CCDC171: variants seen among roughly 807,000 people sequenced by gnomAD.
CCDC171 encodes the protein coiled-coil domain containing 171.
A neutral mutation model predicts 168.2 loss-of-function variants in CCDC171; 177 were observed. The ratio of observed to expected loss-of-function variants is 1.05; its 90% CI spans 0.93 to 1.19. The LOEUF (loss-of-function observed/expected upper bound fraction) is 1.19. Ranked by LOEUF, CCDC171 falls within the 50% of genes most tolerant of loss-of-function variation. The pLI, the probability that CCDC171 is intolerant of heterozygous loss-of-function variation, is 0.00. For synonymous variants in CCDC171, 687 were observed against 540.8 expected, an observed-to-expected ratio of 1.27 and a Z score of -3.75; for missense variants, 1,991 against 1,539.0, an observed-to-expected ratio of 1.29 and a Z score of -4.91.
chr9:15,725,436 C>T (rs1362360429), intron 14 of CCDC171, among the ~76,000 whole-genome samples: 1 of 152,030 alleles, frequency 6.6e-6, no homozygotes, highest in African/African-American at 2.4e-5. Flanking sequence ...CTCTCCACAT[C>T]TTCGTTTCCT....
At chr9:15,615,127 ATAT>A (rs2043987778) in intron 6 of CCDC171, among the ~76,000 whole-genome samples, 1 of 152,178 alleles carries the variant, frequency 6.6e-6, no homozygotes, top group Admixed American at 6.5e-5. Context: ...ATTATACAAA[ATAT>A]TAGCTAACCA....
At chr9:15,805,504 A>G (rs1269468328) in intron 21 of CCDC171, among the ~76,000 whole-genome samples, 1 of 152,138 alleles carries the variant, frequency 6.6e-6, no homozygotes, top group Non-Finnish European at 1.5e-5. Context: ...TTATTTACCC[A>G]AAAATCATTC....
chr9:15,883,124 G>T, intron 24 of CCDC171: 1 of 398,244 alleles, frequency 2.5e-6, no homozygotes, highest in Non-Finnish European at 5.0e-6. Flanking sequence ...AAATGCCAGG[G>T]CTCAAGCAAT....
intron 7 of CCDC171, 25 bp downstream of exon 7, chr9:15,623,438 T>G (rs1423032172): frequency 6.7e-7 from 1 of 1,491,888 alleles, no homozygotes; most frequent in Non-Finnish European, 9.0e-7. Context: ...TCCTTTATAA[T>G]ATATATGCGT....
intron 24 of CCDC171, among the ~76,000 whole-genome samples, chr9:15,907,788 C>A (rs1589081602): frequency 6.6e-6 from 1 of 152,162 alleles, no homozygotes; most frequent in South Asian, 2.1e-4. Context: ...CCAGAATCTA[C>A]CATGAACTCC....
At chr9:15,959,168 A>C (rs1830110857) in intron 25 of CCDC171, among the ~76,000 whole-genome samples, 1 of 152,116 alleles carries the variant, frequency 6.6e-6, no homozygotes, top group Non-Finnish European at 1.5e-5. Context: ...GAGGCTGCTG[A>C]ATAGCTTTGT....
intron 25 of CCDC171, among the ~76,000 whole-genome samples, chr9:15,954,334 C>T (rs1205314310): frequency 6.6e-6 from 1 of 152,010 alleles, no homozygotes; most frequent in Non-Finnish European, 1.5e-5. Context: ...TCCCCCTTAG[C>T]ACTGCTTCCA....
At chr9:16,007,018 C>T (rs1167772247) in intron 3 of CCDC171, among the ~76,000 whole-genome samples, 2 of 152,204 alleles carry the variant, frequency 1.3e-5, no homozygotes, top group Non-Finnish European at 2.9e-5. Context: ...CTGACTTCCA[C>T]AATGGTTGAA....
chr9:15,980,016 T>C (rs1273657399), intron 3 of CCDC171, among the ~76,000 whole-genome samples: 1 of 152,120 alleles, frequency 6.6e-6, no homozygotes, highest in East Asian at 1.9e-4. Context: ...GATTATTTAA[T>C]CTCTTTACCT....
At chr9:15,574,612 A>G (rs898346908) in intron 3 of CCDC171, among the ~76,000 whole-genome samples, 1 of 152,132 alleles carries the variant, frequency 6.6e-6, no homozygotes, top group African/African-American at 2.4e-5. Context: ...AGATGATCAT[A>G]CTTGTATTAT....
rs138745788 is a variant in CCDC171 at position 15,999,078 on chromosome 9, G to A, written n.369-21511G>A. ...ATTTTTTTTTAACAAGGGCATAGTG[G>A]TGTGCACTTGTAGTCCCAACTACAC... is the stretch of plus-strand genomic sequence containing the variant. On this transcript the variant is annotated intron_variant and non_coding_transcript_variant, in intron 3 of 9. Coordinates refer to the CCDC171 transcript ENST00000486641. Among the ~76,000 whole-genome samples, 6 of 152,050 alleles carry A rather than the reference G, an allele frequency of 3.9e-5. No individual in the cohort carries two copies. The East Asian group carries it at 1.2e-3, about 29-fold the overall frequency.
At chr9:16,034,675 A>T (rs1032819454) in intron 6 of CCDC171, among the ~76,000 whole-genome samples, 2 of 152,192 alleles carry the variant, frequency 1.3e-5, no homozygotes, top group Admixed American at 6.5e-5. Flanking sequence ...CACCACTGTG[A>T]TGGACACTGC....
intron 1 of CCDC171, among the ~76,000 whole-genome samples, chr9:16,049,393 G>A (rs1195643780): frequency 6.6e-6 from 1 of 152,202 alleles, no homozygotes; most frequent in African/African-American, 2.4e-5. Context: ...TGTTTCCAGA[G>A]ATTAGTGTGT....
rs557111546 is a variant in CCDC171, at chr9:15,974,025, A to G, written c.*2189A>G. 2 of 152,234 alleles carry G rather than the reference A, an allele frequency of 1.3e-5. No homozygotes were observed. The highest frequency in any genetic ancestry group is 4.1e-4 in the South Asian group (2 of 4,820). The allele number at this position is 152,234 out of a possible 1,614,324, so 9.4% of individuals were successfully genotyped here. ...GGGATAACTCCAAAAATAAATGTGT[A>G]TGTGTCTCCATATATATGGGTATCT... On this transcript the variant is annotated 3_prime_UTR_variant, in exon 26 of 26. Transcript: ENST00000380701.
chr9:15,985,540 C>T (rs1343253120), intron 3 of CCDC171, among the ~76,000 whole-genome samples: 1 of 152,094 alleles, frequency 6.6e-6, no homozygotes, highest in Non-Finnish European at 1.5e-5. Flanking sequence ...TGTTACACTA[C>T]CTTACAGACA....
At chr9:15,623,467 G>GCGCGCGCGCGCGCT in intron 7 of CCDC171, 54 bp downstream of exon 7, 3 of 587,396 alleles carry the variant, frequency 5.1e-6, no homozygotes, top group South Asian at 2.1e-5. Context: ...TCACATATGC[G>GCGCGCGCGCGCGCT]CGCGCGCGCA....
At chr9:15,684,674 A>G (rs977555506) in intron 10 of CCDC171, among the ~76,000 whole-genome samples, 3 of 152,194 alleles carry the variant, frequency 2.0e-5, no homozygotes, top group Non-Finnish European at 2.9e-5. Context: ...AAAGAATGAC[A>G]TGTTAGATTA....
chr9:15,870,544 G>A (rs975324701), intron 23 of CCDC171, among the ~76,000 whole-genome samples: 2 of 151,838 alleles, frequency 1.3e-5, no homozygotes, highest in Non-Finnish European at 1.5e-5. Flanking sequence ...TTCAGACACT[G>A]TATACATCTT....
intron 11 of CCDC171, among the ~76,000 whole-genome samples, chr9:15,718,757 G>C (rs2134147114): frequency 6.6e-6 from 1 of 152,338 alleles, no homozygotes. Flanking sequence ...CAGTGTTACT[G>C]GGCTTGGGGT....
Sources: allele counts gnomAD v4.1 joint callset (sites outside exome capture counted in the v4.1 genomes callset), GRCh38; gene constraint gnomAD v4.1.1; transcripts MANE v1.5; gene names NCBI Gene and HGNC (gene_info 2026-07-23, HGNC 2026-07-21).